Variants in VPS13D observed in about 807,000 individuals in gnomAD.
VPS13D encodes the protein intermembrane lipid transfer protein VPS13D.
A neutral mutation model predicts 461.9 loss-of-function variants in VPS13D; 187 were observed. The observed-to-expected ratio is 0.40, with a 90% CI of 0.36 to 0.46. The LOEUF (loss-of-function observed/expected upper bound fraction) is 0.46, where lower values mean the gene tolerates loss of function less well. Ranked by LOEUF, VPS13D falls within the 20% of genes least tolerant of loss-of-function variation. The probability of loss-of-function intolerance (pLI) is 0.60; values close to 1 mark genes in which losing one functional copy is unlikely to be tolerated. For synonymous variants in VPS13D, 1,951 were observed against 1,986.3 expected (o/e 0.98, Z 0.47); for missense variants, 4,711 against 5,364.9 (o/e 0.88, Z 3.81).
intron 6 of VPS13D, among the ~76,000 whole-genome samples, chr1:12,253,098 C>T (rs1045493242): frequency 6.7e-6 from 1 of 148,424 alleles, no homozygotes; most frequent in African/African-American, 2.5e-5. Flanking sequence ...GTGGGGGTTG[C>T]GGTGAGCCGA....
chr1:12,327,751 G>A lies in VPS13D; in HGVS notation c.8094G>A (p.Ala2698=), dbSNP rs775824968. Residue 2698 remains alanine (A), a synonymous_variant, in exon 36 of 70, where the codon GCG becomes GCA. Coordinates refer to ENST00000620676, the MANE Select transcript of VPS13D (RefSeq NM_015378.4). ...GAGATAGCCCAGGGGCTGTGGCAGCGCCATTGATCTCTGGCGTGGAGATCA... is the reference window on the plus strand; with the variant it reads ...GAGATAGCCCAGGGGCTGTGGCAGCACCATTGATCTCTGGCGTGGAGATCA... ...TSRDSPGAVA[A]PLISGVEIKA... is the part of the protein sequence containing the mutation. 3.7e-6 allele frequency: 6 copies of A among 1,613,966 alleles called. No individual in the cohort carries two copies. Among genetic ancestry groups the A allele is most frequent in the South Asian group, 3.3e-5 (3 of 91,070 alleles).
At chr1:12,411,616 C>T (rs747330327) in intron 63 of VPS13D, among the ~76,000 whole-genome samples, 8 of 152,202 alleles carry the variant, frequency 5.3e-5, no homozygotes, top group East Asian at 1.9e-4. Flanking sequence ...TAACAAATGA[C>T]GCCAAATTGC....
In VPS13D at chr1:12,275,880, T is replaced by C; in HGVS notation, c.2292T>C (p.Ser764=). ...DGSASEETQF[S]DDEYKTPLAT... ...CAGCATCTGAAGAGACCCAGTTTAG[T>C]GATGATGAATATAAGACCCCCCTGG... The change falls in exon 19 of 70, where the codon AGT becomes AGC. Residue 764 remains serine (S), a synonymous_variant. Transcript: ENST00000620676. 1 of 1,613,364 alleles carries C rather than the reference T, an allele frequency of 6.2e-7. No homozygotes were observed. Among genetic ancestry groups the C allele is most frequent in the Non-Finnish European group, 8.5e-7 (1 of 1,179,834 alleles).
chr1:12,501,381 A>G (rs1208482915), intron 68 of VPS13D, among the ~76,000 whole-genome samples: 1 of 152,222 alleles, frequency 6.6e-6, no homozygotes, highest in Non-Finnish European at 1.5e-5. Context: ...TGTACTAGTA[A>G]CTGTTGACAC....
At chr1:12,256,274 A>G (rs1184688423) in intron 7 of VPS13D, 59 bp from the exon 8 acceptor site, 2 of 1,566,596 alleles carry the variant, frequency 1.3e-6, no homozygotes, top group South Asian at 1.2e-5. Flanking sequence ...ACATTGTAAA[A>G]GAGTGACTAC....
Position 12,445,141 on chromosome 1 carries a change from C to T in VPS13D, c.12334-10857C>T, listed in dbSNP as rs72868294. On this transcript the variant is annotated intron_variant, in intron 65 of 69. Transcript: ENST00000620676. ...TGTGTGTGAGGTAGAAAGTAATCAGCTTCAACCCCTGGAGTCACAACAGAG... is the reference window on the plus strand; with the variant it reads ...TGTGTGTGAGGTAGAAAGTAATCAGTTTCAACCCCTGGAGTCACAACAGAG... Among the ~76,000 whole-genome samples the T allele has an allele frequency of 4.0e-3, 615 of 152,276 alleles. 4 individuals are homozygous for T. Among genetic ancestry groups the T allele is most frequent in the African/African-American group, 0.014 (578 of 41,558 alleles).
chr1:12,391,009 C>CA (rs1008256184), intron 60 of VPS13D, among the ~76,000 whole-genome samples: 3 of 152,200 alleles, frequency 2.0e-5, no homozygotes, highest in African/African-American at 7.2e-5. Flanking sequence ...TTTGACCACT[C>CA]AGAGAGGTCC....
chr1:12,506,829 C>T, intron 68 of VPS13D, 24 bp from the exon 69 acceptor site: 1 of 1,609,692 alleles, frequency 6.2e-7, no homozygotes, highest in Non-Finnish European at 8.5e-7. Flanking sequence ...GGTGTCACTC[C>T]TGTGTTCCCG....
Position 12,369,584 on chromosome 1 carries a change from C to G in VPS13D, c.10690C>G (p.Leu3564Val). 1.2e-6 allele frequency: 2 copies of G among 1,614,172 alleles called. No individual in the cohort carries two copies. Among genetic ancestry groups the G allele is most frequent in the African/African-American group, 2.7e-5 (2 of 75,056 alleles). The change falls in exon 54 of 70, where the codon CTG becomes GTG. Residue 3564 changes from leucine (L) to valine (V), a missense_variant. Transcript: ENST00000620676. Reference protein sequence around the residue: ...DEPTLPPFITLTVKGAGSSEI... With the variant: ...DEPTLPPFITVTVKGAGSSEI... ...ACCCACCTTGCCACCTTTTATCACT[C>G]TGACTGTTAAAGGGGCAGGGTCCTC...
intron 58 of VPS13D, 47 bp from the exon 59 acceptor site, chr1:12,385,213 A>G (rs369630472): frequency 3.1e-5 from 46 of 1,501,078 alleles, no homozygotes; most frequent in East Asian, 4.5e-5. Context: ...ATAGGTTTCA[A>G]TAAGGAAGAG....
intron 2 of VPS13D, 68 bp downstream of exon 2, chr1:12,234,431 T>C (rs1334834521): frequency 1.5e-6 from 2 of 1,333,054 alleles, no homozygotes; most frequent in South Asian, 2.5e-5. Flanking sequence ...TTTTTTGTTG[T>C]CCTGAGAATC....
Position 12,291,000 on chromosome 1 carries a change from G to A in VPS13D, c.5728G>A (p.Gly1910Arg). The A allele has an allele frequency of 6.2e-7, 1 of 1,608,082 alleles. No homozygotes were observed. Among genetic ancestry groups the A allele is most frequent in the Non-Finnish European group, 8.5e-7 (1 of 1,178,348 alleles). Residue 1910 changes from glycine (G) to arginine (R), a missense_variant and splice_region_variant, in exon 23 of 70, where the codon GGA becomes AGA. Transcript: ENST00000620676. ...TGTTCTAACTTTATCATCCCTAGAG[G>A]GAGACCTGGCCTTACAGGGCAGCAT... is the stretch of plus-strand genomic sequence containing the variant. ...KLVAHLEMIE[G>R]DLALQGSIGS...
chr1:12,502,926 G>A lies in VPS13D; in HGVS notation c.12795-3927G>A, dbSNP rs925101343. ...TAGCTCACACCATCACAGTGGCCCT[G>A]CAGAGTAGACCCATGGGGTTCTACA... is the stretch of plus-strand genomic sequence containing the variant. On this transcript the variant is annotated intron_variant, in intron 68 of 69. Coordinates refer to ENST00000620676, the MANE Select transcript of VPS13D (RefSeq NM_015378.4). The surrounding 1 kb of genome is among the most constrained non-coding windows in gnomAD (Gnocchi z 4.3). 1.3e-5 allele frequency among the ~76,000 whole-genome samples: 2 copies of A among 152,110 alleles called. No individual in the cohort carries two copies. Among genetic ancestry groups the A allele is most frequent in the Admixed American group, 1.3e-4 (2 of 15,272 alleles).
Position 12,429,998 on chromosome 1 carries a change from A to G in VPS13D, c.12333+13171A>G, listed in dbSNP as rs543832002. 3.3e-5 allele frequency among the ~76,000 whole-genome samples: 5 copies of G among 152,342 alleles called. No homozygotes were observed. In the East Asian group the frequency reaches 9.6e-4, roughly 29 times the overall value. ...AGCTGTTGAATTTATATAATAAAAC[A>G]TTGGTTTGGAAACCTTAATTGTTTT... On this transcript the variant is annotated intron_variant, in intron 65 of 69. Coordinates refer to ENST00000620676, the MANE Select transcript of VPS13D (RefSeq NM_015378.4).
At chr1:12,486,637 TC>T (rs942390225) in intron 67 of VPS13D, among the ~76,000 whole-genome samples, 2 of 152,102 alleles carry the variant, frequency 1.3e-5, no homozygotes, top group African/African-American at 4.8e-5. Flanking sequence ...CTTTCTAGTG[TC>T]CCCCCCACGT....
Position 12,285,303 on chromosome 1 carries a change from T to A in VPS13D, c.5634+1567T>A, listed in dbSNP as rs953485967. ...TTATTTATTTATTTATTTATTTTTT[T>A]TTTTTGAGACGGAGTCTCGCTCTGT... On this transcript the variant is annotated intron_variant, in intron 21 of 69. Coordinates refer to ENST00000620676, the MANE Select transcript of VPS13D (RefSeq NM_015378.4). Among the ~76,000 whole-genome samples, 256 of 150,032 alleles carry A rather than the reference T, an allele frequency of 1.7e-3. 1 individual carries two copies. Among genetic ancestry groups the A allele is most frequent in the African/African-American group, 5.7e-3 (236 of 41,108 alleles).
intron 9 of VPS13D, 62 bp from the exon 10 acceptor site, chr1:12,257,873 A>T: frequency 6.3e-7 from 1 of 1,593,242 alleles, no homozygotes; most frequent in Non-Finnish European, 8.6e-7. Context: ...ATTGTCCTGG[A>T]TTGGTAGCCT....
rs199618605 is a variant in VPS13D at position 12,385,278 on chromosome 1, C to T, written c.11389C>T (p.Arg3797Trp). ...ACTTCAGATAACAGATTTCTGCCAC[C>T]GGAAAAGCAGCCGTTCATATGAAGT... ...RALQITDFCH[R>W]KSSRSYEVDE... Residue 3797 changes from arginine to tryptophan, a missense_variant, in exon 59 of 70, where the codon CGG becomes TGG. Physicochemically the swap from Arg to Trp is moderately radical, Grantham distance 101 (BLOSUM62 -3). Coordinates refer to ENST00000620676, the MANE Select transcript of VPS13D (RefSeq NM_015378.4). 123 of 1,613,372 alleles carry T rather than the reference C, an allele frequency of 7.6e-5. No homozygotes were observed. Among genetic ancestry groups the T allele is most frequent in the East Asian group, 5.8e-4 (26 of 44,856 alleles).
chr1:12,232,700 T>G (rs1446214359), intron 1 of VPS13D, among the ~76,000 whole-genome samples: 1 of 142,618 alleles, frequency 7.0e-6, no homozygotes, highest in Non-Finnish European at 1.5e-5. Context: ...TAACAGGCAG[T>G]AGTACCTACA....
Sources: gnomAD v4.1 joint callset for allele counts (sites outside exome capture counted in the v4.1 genomes callset) on GRCh38, gnomAD v4.1.1 for gene constraint, Gnocchi (gnomAD v3.1) non-coding constraint, MANE v1.5 for transcripts, NCBI Gene and HGNC (gene_info 2026-07-23, HGNC 2026-07-21) for gene names.